Variants in ERCC1 observed in about 807,000 individuals in gnomAD.
ERCC1 encodes the protein ERCC excision repair 1, endonuclease non-catalytic subunit, also known as DNA excision repair protein ERCC-1.
A neutral mutation model predicts 37.6 loss-of-function variants in ERCC1; 36 were observed. That is an observed-to-expected ratio of 0.96 (90% CI 0.73 to 1.26). The LOEUF is 1.26. Among genes scored for constraint, ERCC1 ranks in the 50% most tolerant of loss-of-function variants. The pLI, the probability that ERCC1 is intolerant of heterozygous loss-of-function variation, is 0.00. For missense variants in ERCC1, 349 were observed against 376.5 expected (o/e 0.93, Z 0.60); for synonymous variants, 156 against 162.1 (o/e 0.96, Z 0.28).
upstream of ERCC1, chr19:45,424,077 C>G: frequency 9.6e-7 from 1 of 1,040,298 alleles, no homozygotes; most frequent in Non-Finnish European, 1.2e-6. Flanking sequence ...CCTTACTGAG[C>G]GCTTCTGTGT....
chr19:45,441,828 G>A (rs1975127351), intron 1 of ERCC1, among the ~76,000 whole-genome samples: 1 of 151,416 alleles, frequency 6.6e-6, no homozygotes, highest in African/African-American at 2.4e-5. Context: ...CAGGCCAGGC[G>A]CATGCCACCA....
intron 3 of ERCC1, 90 bp downstream of exon 3, chr19:45,421,088 G>T: frequency 9.3e-7 from 1 of 1,079,350 alleles, no homozygotes; most frequent in Non-Finnish European, 1.4e-6. Context: ...AAAGTGGCTG[G>T]AACTCAGACC....
At chr19:45,439,511 C>A (rs191893243) in intron 1 of ERCC1, among the ~76,000 whole-genome samples, 2 of 152,134 alleles carry the variant, frequency 1.3e-5, no homozygotes, top group African/African-American at 4.8e-5. Flanking sequence ...AATCCTGGGG[C>A]AATATAGCGA....
intron 3 of ERCC1, 63 bp downstream of exon 3, chr19:45,421,115 A>T: frequency 2.9e-6 from 4 of 1,396,420 alleles, no homozygotes; most frequent in Non-Finnish European, 3.1e-6. Context: ...CACTGGAGTC[A>T]TCCCTAGAAC....
chr19:45,446,791 A>G (rs901307115), intron 1 of ERCC1, among the ~76,000 whole-genome samples: 2 of 152,146 alleles, frequency 1.3e-5, no homozygotes, highest in Non-Finnish European at 2.9e-5. Flanking sequence ...CGAGGTCAGG[A>G]ATTCGAGACC....
In ERCC1 at chr19:45,423,351, CT is replaced by C; in HGVS notation, c.23del (p.Glu8GlyfsTer16). ...GCGGCCCTGAGGGCTGGGGCACCCC[CT>C]CTTTGTCCTTCCCAGGGTCCATCTG... Reference protein sequence around the residue: MDPGKDKEGVPQPSGPPA... With the variant: MDPGKDKXGVPQPSGPPA... On this transcript the variant is annotated frameshift_variant, in exon 2 of 10. Coordinates refer to ENST00000300853, the MANE Select transcript of ERCC1 (RefSeq NM_001983.4). LOFTEE classifies it high-confidence loss of function. 1 of 1,613,458 alleles carries C rather than the reference CT, an allele frequency of 6.2e-7. No homozygotes were observed. The highest frequency in any genetic ancestry group is 8.5e-7 in the Non-Finnish European group (1 of 1,179,804).
intron 8 of ERCC1, 102 bp from the exon 9 acceptor site, chr19:45,413,847 G>A (rs1973884363): frequency 1.3e-6 from 2 of 1,587,458 alleles, no homozygotes; most frequent in Non-Finnish European, 1.7e-6. Context: ...ATGAGGGCCT[G>A]TGGGAAGGCA....
At chr19:45,423,123 G>A (rs1974539965) in intron 2 of ERCC1, 147 bp downstream of exon 2, 1 of 730,042 alleles carries the variant, frequency 1.4e-6, no homozygotes, top group Admixed American at 2.5e-5. Flanking sequence ...GGGAAACTGG[G>A]ACCTGGGGAG....
chr19:45,413,330 G>C (rs1446769243), intron 9 of ERCC1: 2 of 562,506 alleles, frequency 3.6e-6, no homozygotes, highest in Non-Finnish European at 6.4e-6. Flanking sequence ...GTAGTAACAT[G>C]CTTATAGCTC....
intron 6 of ERCC1, among the ~76,000 whole-genome samples, chr19:45,415,204 G>C (rs1001316487): frequency 2.6e-5 from 4 of 151,942 alleles, no homozygotes; most frequent in Non-Finnish European, 4.4e-5. Context: ...GCTTGGTGGC[G>C]CGTGCCTGTA....
In ERCC1 at chr19:45,408,547, G is replaced by A. The variant is rs778956589; in HGVS notation, c.*1128C>T. 11 of 1,614,020 alleles carry A rather than the reference G, an allele frequency of 6.8e-6. No individual in the cohort carries two copies. In the Admixed American group the frequency reaches 1.2e-4, roughly 17 times the overall value. On this transcript the variant is annotated 3_prime_UTR_variant, in exon 10 of 10. Transcript: ENST00000300853. ...CAGTCACTCAGGAGGCAGTGAATGG[G>A]CACGGGGCCCTGGAGGTGGACATGG...
At chr19:45,422,282 TCTC>T (rs1974483146) in intron 2 of ERCC1, among the ~76,000 whole-genome samples, 3 of 151,770 alleles carry the variant, frequency 2.0e-5, no homozygotes, top group South Asian at 2.1e-4. Context: ...TTCTACCACT[TCTC>T]CTTGCTTTCT....
chr19:45,437,579 T>C (rs1975013219), intron 1 of ERCC1, among the ~76,000 whole-genome samples: 1 of 152,176 alleles, frequency 6.6e-6, no homozygotes, highest in Non-Finnish European at 1.5e-5. Flanking sequence ...GAGGACATTA[T>C]TCTAAGTGAA....
rs1008669025 is a variant in ERCC1 at position 45,447,336 on chromosome 19, C to T, written c.-7-23955G>A. Among the ~76,000 whole-genome samples the T allele has an allele frequency of 2.2e-5, 3 of 137,236 alleles. No individual in the cohort carries two copies. In the Admixed American group the frequency reaches 2.5e-4, roughly 11 times the overall value. The allele number at this position is 137,236 out of a possible 152,430, so 90.0% of individuals were successfully genotyped here. ...TGTCATCCAGGCTGGAGTACAGTGG[C>T]GGGATCTAGGCTCACTGCAACGTCT... On this transcript the variant is annotated intron_variant, in intron 1 of 8. Coordinates refer to the ERCC1 transcript ENST00000423698.
chr19:45,442,851 C>T (rs920984492), intron 1 of ERCC1, among the ~76,000 whole-genome samples: 3 of 151,984 alleles, frequency 2.0e-5, no homozygotes, highest in African/African-American at 4.8e-5. Flanking sequence ...AGCAGCAGGG[C>T]GTGGCCCCTC....
In ERCC1 at chr19:45,409,275, A is replaced by C; in HGVS notation, c.*400T>G. ...AAAGAGAGAGGTCACACAGTGACTG[A>C]GCCAATTCAGCCACTAGAGCCTGAA... On this transcript the variant is annotated 3_prime_UTR_variant, in exon 10 of 10. Transcript: ENST00000300853. The C allele has an allele frequency of 6.2e-7, 1 of 1,613,958 alleles. No individual in the cohort carries two copies. Among genetic ancestry groups the C allele is most frequent in the Non-Finnish European group, 8.5e-7 (1 of 1,179,896 alleles).
chr19:45,415,635 C>CAAAAAA (rs913880423), intron 6 of ERCC1, among the ~76,000 whole-genome samples: 1 of 46,704 alleles, frequency 2.1e-5, no homozygotes, highest in Non-Finnish European at 4.3e-5. Context: ...GACTCCGTCT[C>CAAAAAA]AAAAAAAAAA....
chr19:45,418,756 A>G (rs1397024121), intron 5 of ERCC1, among the ~76,000 whole-genome samples: 1 of 148,068 alleles, frequency 6.8e-6, no homozygotes, highest in Non-Finnish European at 1.5e-5. Flanking sequence ...CCCAGAGGTG[A>G]AGGCTGCAGT....
intron 1 of ERCC1, among the ~76,000 whole-genome samples, chr19:45,429,368 G>T (rs1974779774): frequency 6.6e-6 from 1 of 152,156 alleles, no homozygotes; most frequent in African/African-American, 2.4e-5. Flanking sequence ...GCTGAGGCAG[G>T]AGAATCGCTT....
Sources: allele counts gnomAD v4.1 joint callset (sites outside exome capture counted in the v4.1 genomes callset), GRCh38; gene constraint gnomAD v4.1.1; transcripts MANE v1.5; gene names NCBI Gene and HGNC (gene_info 2026-07-23, HGNC 2026-07-21).